AFF3: variants seen among roughly 807,000 people sequenced by gnomAD.
AFF3 encodes AF4/FMR2 family member 3.
In AFF3, 32 loss-of-function variants were observed where a neutral mutation model predicts 129.7. The observed-to-expected ratio is 0.25, with a 90% CI of 0.19 to 0.33. The LOEUF is 0.33. AFF3 is among the 10% of genes least tolerant of loss of function. The pLI, the probability that AFF3 is intolerant of heterozygous loss-of-function variation, is 1.00. For synonymous variants in AFF3, 644 were observed against 635.4 expected (o/e 1.01, Z -0.20); for missense variants, 1,373 against 1,592.0 (o/e 0.86, Z 2.34).
intron 1 of AFF3, among the ~76,000 whole-genome samples, chr2:100,132,246 C>T (rs775882525): frequency 1.3e-5 from 2 of 152,132 alleles, no homozygotes; most frequent in Non-Finnish European, 2.9e-5. Context: ...AGTATCCTCA[C>T]AACACACACA....
Position 100,095,844 on chromosome 2 carries a change from T to C in AFF3, c.53+8558A>G, listed in dbSNP as rs2576647. Among the ~76,000 whole-genome samples the C allele has an allele frequency of 2.6e-5, 4 of 152,336 alleles. No individual in the cohort carries two copies. In the East Asian group the frequency reaches 7.7e-4, roughly 29 times the overall value. On this transcript the variant is annotated intron_variant, in intron 4 of 24. Coordinates refer to ENST00000672756, the MANE Select transcript of AFF3 (RefSeq NM_001386135.1). ...AGAACTGGAAATTACACATGGAAACTGCAGCTAAGTTTGGCCACCTAATGG... is the reference window on the plus strand; with the variant it reads ...AGAACTGGAAATTACACATGGAAACCGCAGCTAAGTTTGGCCACCTAATGG...
chr2:99,958,540 G>A (rs1207662167), intron 7 of AFF3, among the ~76,000 whole-genome samples: 1 of 151,134 alleles, frequency 6.6e-6, no homozygotes, highest in Non-Finnish European at 1.5e-5. Context: ...AATATTTACT[G>A]AGCAACTTCC....
chr2:99,729,814 G>A (rs888695340), intron 10 of AFF3, among the ~76,000 whole-genome samples: 9 of 144,060 alleles, frequency 6.2e-5, no homozygotes, highest in African/African-American at 1.8e-4. Flanking sequence ...GGGTCCTCCT[G>A]TTTGTGTCAG....
intron 7 of AFF3, among the ~76,000 whole-genome samples, chr2:99,875,760 G>C (rs1324322593): frequency 6.6e-6 from 1 of 152,088 alleles, no homozygotes; most frequent in African/African-American, 2.4e-5. Context: ...GTGAGCTCAG[G>C]GATTATACAG....
intron 11 of AFF3, among the ~76,000 whole-genome samples, chr2:99,708,902 C>T (rs1677652343): frequency 6.6e-6 from 1 of 152,182 alleles, no homozygotes; most frequent in South Asian, 2.1e-4. Flanking sequence ...TATTTTGGAA[C>T]TATTTTGAAG....
At chr2:99,928,212 CAG>C (rs1354463089) in intron 7 of AFF3, among the ~76,000 whole-genome samples, 1 of 152,130 alleles carries the variant, frequency 6.6e-6, no homozygotes, top group African/African-American at 2.4e-5. Context: ...TTTCATGCTT[CAG>C]AGTCTACATA....
chr2:99,561,436 C>T (rs926829445), intron 20 of AFF3, among the ~76,000 whole-genome samples: 1 of 152,184 alleles, frequency 6.6e-6, no homozygotes, highest in African/African-American at 2.4e-5. Flanking sequence ...TTGGTATCAA[C>T]ATTTTATCAC....
intron 11 of AFF3, among the ~76,000 whole-genome samples, chr2:99,692,233 C>T (rs1675739024): frequency 6.6e-6 from 1 of 152,198 alleles, no homozygotes; most frequent in African/African-American, 2.4e-5. Flanking sequence ...TCCTGCAAGA[C>T]TCAGTCCCAA....
intron 7 of AFF3, among the ~76,000 whole-genome samples, chr2:99,880,186 A>G (rs1692605931): frequency 6.6e-6 from 1 of 152,198 alleles, no homozygotes; most frequent in Non-Finnish European, 1.5e-5. Flanking sequence ...CCATAATATC[A>G]CCTGAAGCAA....
At chr2:99,632,166 C>T (rs759993596) in intron 13 of AFF3, among the ~76,000 whole-genome samples, 13 of 152,048 alleles carry the variant, frequency 8.5e-5, no homozygotes, top group Admixed American at 3.9e-4. Flanking sequence ...CAGGCACCCA[C>T]CATCATGCCA....
chr2:99,777,969 A>C (rs920852526), intron 8 of AFF3, among the ~76,000 whole-genome samples: 3 of 149,808 alleles, frequency 2.0e-5, no homozygotes, highest in Admixed American at 6.6e-5. Flanking sequence ...AAAAAAAAAA[A>C]AACAAAATGC....
intron 4 of AFF3, among the ~76,000 whole-genome samples, chr2:100,102,485 G>GT (rs1054358726): frequency 1.9e-4 from 29 of 151,922 alleles, no homozygotes; most frequent in African/African-American, 5.1e-4. Context: ...GTAAGTTTTT[G>GT]TTTTTTTTAA....
chr2:99,786,557 T>C (rs1005853090), intron 8 of AFF3, among the ~76,000 whole-genome samples: 1 of 152,228 alleles, frequency 6.6e-6, no homozygotes, highest in Non-Finnish European at 1.5e-5. Context: ...GACAGCGCAA[T>C]GCAGTAAGCG....
In AFF3 at chr2:99,593,958, G is replaced by A. The variant is rs763165973; in HGVS notation, c.1703C>T (p.Pro568Leu). ...GGGCGCGTTCTCCGCGGGCGCACAG[G>A]GCACTGCGGGTGGCGGGGCGGCTGC... Reference protein sequence around the residue: ...VSAAAPPPAVPCAPAENAPAP... With the variant: ...VSAAAPPPAVLCAPAENAPAP... The change falls in exon 15 of 25, where the codon CCC becomes CTC. Residue 568 changes from proline to leucine, a missense_variant. By Grantham distance (98) the Pro-to-Leu change is moderately conservative (BLOSUM62 -3). This residue lies in a region of AFF3 where 413 missense variants were observed against 424.4 expected (regional missense o/e 0.97). Transcript: ENST00000672756. The A allele has an allele frequency of 2.4e-5, 35 of 1,481,646 alleles. 1 individual carries two copies. The South Asian group carries it at 2.6e-4, about 11-fold the overall frequency. 91.8% of individuals were successfully genotyped at this position (1,481,646 alleles called of 1,614,324 possible). A position where few individuals can be genotyped will look rare whatever the true frequency, so the allele number is the denominator to read the frequency against.
intron 22 of AFF3, among the ~76,000 whole-genome samples, chr2:99,558,348 T>C (rs530709094): frequency 1.8e-4 from 27 of 152,118 alleles, no homozygotes; most frequent in Non-Finnish European, 3.4e-4. Context: ...AGGCTGGGCG[T>C]GGTGGCTCAC....
intron 4 of AFF3, among the ~76,000 whole-genome samples, chr2:100,024,365 GGGAGTTCGAGATGGATCACCTGAGGTCA>G (rs1184291761): frequency 2.0e-5 from 3 of 151,526 alleles, no homozygotes; most frequent in Non-Finnish European, 4.4e-5. Context: ...ACCTGAGGTC[GGGAGTTCGAGATGGATCACCTGAGGTCA>G]GGAGTTCAAG....
chr2:99,720,352 A>C (rs1575786058), intron 11 of AFF3, among the ~76,000 whole-genome samples: 1 of 152,186 alleles, frequency 6.6e-6, no homozygotes, highest in South Asian at 2.1e-4. Context: ...TTAGCTCTAG[A>C]GGAGATGAAA....
intron 8 of AFF3, among the ~76,000 whole-genome samples, chr2:99,771,262 T>A (rs903887658): frequency 6.6e-6 from 1 of 151,976 alleles, no homozygotes; most frequent in Non-Finnish European, 1.5e-5. Flanking sequence ...AGGCCTGCCA[T>A]GGGGGATCAT....
chr2:99,655,983 C>T (rs548926300), intron 12 of AFF3, among the ~76,000 whole-genome samples: 4 of 152,150 alleles, frequency 2.6e-5, no homozygotes, highest in South Asian at 2.1e-4. Context: ...GTGTGAGGTC[C>T]AGGTTTCTGG....
Sources: gnomAD v4.1 joint callset for allele counts (sites outside exome capture counted in the v4.1 genomes callset) on GRCh38, gnomAD v4.1.1 for gene constraint, gnomAD v4.1.1 regional missense constraint, MANE v1.5 for transcripts, NCBI Gene and HGNC (gene_info 2026-07-23, HGNC 2026-07-21) for gene names.